The following ADGRB3 variants were observed in gnomAD, a reference collection of about 807,000 sequenced individuals.
The protein encoded by ADGRB3 is brain-specific angiogenesis inhibitor 3.
Under a neutral mutation model 193.4 loss-of-function variants are expected in ADGRB3, and 37 were observed. The observed-to-expected ratio is 0.19, with a 90% CI of 0.15 to 0.25. The LOEUF is 0.25. Ranked by LOEUF, ADGRB3 falls within the 10% of genes least tolerant of loss-of-function variation. ADGRB3 has a pLI of 1.00. For synonymous variants in ADGRB3, 690 were observed against 644.2 expected, an observed-to-expected ratio of 1.07 and a Z score of -1.08; for missense variants, 1,637 against 1,852.9, an observed-to-expected ratio of 0.88 and a Z score of 2.14.
At chr6:69,098,064 A>G (rs1439276116) in intron 17 of ADGRB3, among the ~76,000 whole-genome samples, 1 of 152,150 alleles carries the variant, frequency 6.6e-6, no homozygotes, top group Non-Finnish European at 1.5e-5. Flanking sequence ...ATTGCAAGTA[A>G]TTTTCTGATT....
intron 20 of ADGRB3, among the ~76,000 whole-genome samples, chr6:69,266,170 C>A (rs1767035378): frequency 6.6e-6 from 1 of 151,706 alleles, no homozygotes; most frequent in Non-Finnish European, 1.5e-5. Flanking sequence ...TGGTTCACAG[C>A]CAGTAACATG....
intron 3 of ADGRB3, among the ~76,000 whole-genome samples, chr6:68,686,859 G>A (rs986642264): frequency 1.3e-5 from 2 of 152,002 alleles, no homozygotes; most frequent in Non-Finnish European, 2.9e-5. Context: ...TTTTCATAAG[G>A]CATCAGTGAT....
rs548875221 is a variant in ADGRB3 at position 69,263,871 on chromosome 6, A to G, written c.2814+24645A>G. ...GTTGATCAAAGCAAATACAGTGATT[A>G]GCAGCAGAGCCGAGCAAAACTCAGC... On this transcript the variant is annotated intron_variant, in intron 20 of 31. Coordinates refer to ENST00000370598, the MANE Select transcript of ADGRB3 (RefSeq NM_001704.3). Among the ~76,000 whole-genome samples the G allele has an allele frequency of 7.2e-5, 11 of 152,156 alleles. No homozygotes were observed. In the East Asian group the frequency reaches 1.7e-3, roughly 24 times the overall value.
At chr6:69,167,023 G>T (rs1243669064) in intron 17 of ADGRB3, among the ~76,000 whole-genome samples, 6 of 152,026 alleles carry the variant, frequency 3.9e-5, no homozygotes, top group African/African-American at 1.2e-4. Flanking sequence ...AGAACATTTT[G>T]TACATCTTTG....
At chr6:69,092,490 T>C (rs1562155683) in intron 17 of ADGRB3, among the ~76,000 whole-genome samples, 1 of 152,166 alleles carries the variant, frequency 6.6e-6, no homozygotes, top group Admixed American at 6.5e-5. Context: ...TGTACCTACC[T>C]CTGCACACAG....
intron 3 of ADGRB3, among the ~76,000 whole-genome samples, chr6:68,786,418 C>G (rs879910139): frequency 1.8e-4 from 28 of 152,204 alleles, no homozygotes; most frequent in Non-Finnish European, 3.1e-4. Flanking sequence ...GGAATCCTTT[C>G]CCCATTTCTT....
At chr6:68,966,413 A>G (rs1272686551) in intron 8 of ADGRB3, among the ~76,000 whole-genome samples, 1 of 152,008 alleles carries the variant, frequency 6.6e-6, no homozygotes, top group African/African-American at 2.4e-5. Context: ...ATCATATATT[A>G]CCCCTCCTCC....
At chr6:68,804,664 G>A (rs1034311842) in intron 3 of ADGRB3, among the ~76,000 whole-genome samples, 2 of 152,052 alleles carry the variant, frequency 1.3e-5, no homozygotes, top group African/African-American at 4.8e-5. Context: ...AATAATGAAA[G>A]AAATTGAATA....
chr6:68,767,585 T>C (rs1223182334), intron 3 of ADGRB3, among the ~76,000 whole-genome samples: 1 of 152,128 alleles, frequency 6.6e-6, no homozygotes, highest in African/African-American at 2.4e-5. Context: ...GCCAATATCA[T>C]ATTGAATGGG....
intron 3 of ADGRB3, among the ~76,000 whole-genome samples, chr6:68,848,722 G>A (rs574300192): frequency 2.6e-5 from 4 of 151,874 alleles, no homozygotes; most frequent in African/African-American, 9.7e-5. Flanking sequence ...TTTGACAGAG[G>A]AACAAGTAAC....
At chr6:69,384,210 G>A (rs1289492500) in intron 31 of ADGRB3, among the ~76,000 whole-genome samples, 4 of 151,816 alleles carry the variant, frequency 2.6e-5, no homozygotes, top group Non-Finnish European at 5.9e-5. Context: ...ACTCTTAATT[G>A]GTCTCTTAAT....
intron 4 of ADGRB3, among the ~76,000 whole-genome samples, chr6:68,931,278 A>G (rs532660411): frequency 2.6e-5 from 4 of 152,114 alleles, no homozygotes; most frequent in Non-Finnish European, 5.9e-5. Context: ...TTTAATTCTA[A>G]ATTAATTAGA....
intron 3 of ADGRB3, among the ~76,000 whole-genome samples, chr6:68,882,434 A>T (rs1470402613): frequency 6.6e-6 from 1 of 152,206 alleles, no homozygotes; most frequent in Non-Finnish European, 1.5e-5. Context: ...CTATCTGAAG[A>T]GCTAGAGATT....
chr6:69,178,186 C>T (rs1775481532), intron 17 of ADGRB3, among the ~76,000 whole-genome samples: 1 of 152,042 alleles, frequency 6.6e-6, no homozygotes, highest in Non-Finnish European at 1.5e-5. Context: ...TGATGTAATG[C>T]CCTTATTTGT....
intron 16 of ADGRB3, 96 bp downstream of exon 16, chr6:69,063,132 T>G: frequency 1.2e-6 from 1 of 857,840 alleles, no homozygotes; most frequent in Non-Finnish European, 1.9e-6. Flanking sequence ...TTTCTAGACT[T>G]TTATAGTTGC....
intron 3 of ADGRB3, among the ~76,000 whole-genome samples, chr6:68,791,513 G>A (rs953605357): frequency 2.6e-5 from 4 of 151,780 alleles, no homozygotes; most frequent in African/African-American, 9.7e-5. Flanking sequence ...TTTCCTCCTG[G>A]GAAAAAAAAA....
chr6:69,382,844 C>T lies in ADGRB3; in HGVS notation c.4289C>T (p.Thr1430Ile). 1 of 1,606,106 alleles carries T rather than the reference C, an allele frequency of 6.2e-7. No individual in the cohort carries two copies. The highest frequency in any genetic ancestry group is 8.5e-7 in the Non-Finnish European group (1 of 1,175,938). ...SDLDFEKVMH[T>I]RKRHMELFQE... ...TCTTTTTTGCAGAAGGTCATGCATA[C>T]AAGGAAGAGGCATATGGAACTATTT... is the stretch of plus-strand genomic sequence containing the variant. The change falls in exon 31 of 32, where the codon ACA becomes ATA. Residue 1430 changes from threonine (T) to isoleucine (I), a missense_variant. Thr to Ile is a moderately conservative substitution (Grantham distance 89). Around this residue, in one of 7 missense-constraint regions of ADGRB3, gnomAD observed 368 missense variants for 367.4 expected, o/e 1.00. Transcript: ENST00000370598.
intron 16 of ADGRB3, among the ~76,000 whole-genome samples, 198 bp downstream of exon 16, chr6:69,063,234 C>G (rs1008991039): frequency 1.3e-5 from 2 of 151,826 alleles, no homozygotes; most frequent in African/African-American, 4.8e-5. Flanking sequence ...TTCAATTTAT[C>G]CAAATGAGTA....
intron 3 of ADGRB3, among the ~76,000 whole-genome samples, chr6:68,666,735 A>G (rs2127292328): frequency 6.6e-6 from 1 of 151,900 alleles, no homozygotes; most frequent in East Asian, 1.9e-4. Context: ...ATTTTTGAAA[A>G]CTTATTAATG....
Sources: allele counts gnomAD v4.1 joint callset (sites outside exome capture counted in the v4.1 genomes callset), GRCh38; gene constraint gnomAD v4.1.1; regional missense constraint gnomAD v4.1.1; transcripts MANE v1.5; gene names NCBI Gene and HGNC (gene_info 2026-07-23, HGNC 2026-07-21).